Variants in SYNGR1 observed in about 807,000 individuals in gnomAD.
SYNGR1 encodes synaptogyrin-1.
Under a neutral mutation model 26.1 loss-of-function variants are expected in SYNGR1, and 14 were observed. The ratio of observed to expected loss-of-function variants is 0.54; its 90% CI spans 0.35 to 0.84. SYNGR1 has a LOEUF of 0.84. SYNGR1 is among the 40% of genes least tolerant of loss of function. SYNGR1 has a pLI of 0.01. For missense variants in SYNGR1, 319 were observed against 332.9 expected (o/e 0.96, Z 0.33); for synonymous variants, 141 against 150.1 (o/e 0.94, Z 0.44).
At chr22:39,368,403 G>GTCC (rs746111739) in intron 1 of SYNGR1, among the ~76,000 whole-genome samples, 1 of 152,210 alleles carries the variant, frequency 6.6e-6, no homozygotes, top group Non-Finnish European at 1.5e-5. Context: ...GGCTCCCACA[G>GTCC]CAGGGTCTCT....
At position 39,371,676 on chromosome 22, in the gene SYNGR1, C is replaced by T. The variant is rs144775488; in HGVS notation, c.100-2640C>T. Among the ~76,000 whole-genome samples the T allele has an allele frequency of 7.5e-3, 1,146 of 152,072 alleles. 22 individuals carry two copies. Among genetic ancestry groups the T allele is most frequent in the African/African-American group, 0.026 (1,084 of 41,482 alleles). ...GTATCGTGGCAAACGCCTATAGTCC[C>T]GGCTACTCAGGAGGCTGAGGCTGGT... On this transcript the variant is annotated intron_variant, in intron 1 of 3. Coordinates refer to ENST00000328933, the MANE Select transcript of SYNGR1 (RefSeq NM_004711.5).
At chr22:39,358,657 A>G (rs1924303488) in intron 1 of SYNGR1, among the ~76,000 whole-genome samples, 1 of 152,112 alleles carries the variant, frequency 6.6e-6, no homozygotes, top group African/African-American at 2.4e-5. Context: ...AGAAGGATGA[A>G]ACTCCGGACA....
chr22:39,374,608 G>A (rs554127367), intron 2 of SYNGR1, 55 bp downstream of exon 2: 1 of 1,575,614 alleles, frequency 6.3e-7, no homozygotes. Flanking sequence ...GGCTGTCCCG[G>A]CCATAGGAGG....
Position 39,382,721 on chromosome 22 carries a change from C to T in SYNGR1, c.*807C>T. 6.5e-6 allele frequency: 1 copy of T among 153,032 alleles called. No homozygotes were observed. 9.5% of individuals were successfully genotyped at this position (153,032 alleles called of 1,614,324 possible). A position where few individuals can be genotyped will look rare whatever the true frequency, so the allele number is the denominator to read the frequency against. ...TGTTCTGCCCCAGCTGTTCCTCCTC[C>T]CCTGGGGACAGCCCCACCTCCGGGT... On this transcript the variant is annotated 3_prime_UTR_variant, in exon 4 of 4. Coordinates refer to ENST00000328933, the MANE Select transcript of SYNGR1 (RefSeq NM_004711.5).
At chr22:39,360,674 AG>A (rs1924429991) in intron 1 of SYNGR1, among the ~76,000 whole-genome samples, 1 of 152,114 alleles carries the variant, frequency 6.6e-6, no homozygotes, top group Non-Finnish European at 1.5e-5. Context: ...GTCTGTAGGG[AG>A]GGCTGACAGT....
intron 1 of SYNGR1, chr22:39,364,278 G>C: frequency 6.2e-7 from 1 of 1,613,926 alleles, no homozygotes; most frequent in South Asian, 1.1e-5. Flanking sequence ...TGAGCTGGAG[G>C]AGCAGGCCCG....
intron 3 of SYNGR1, among the ~76,000 whole-genome samples, chr22:39,381,000 T>C (rs143603002): frequency 2.0e-5 from 3 of 152,092 alleles, no homozygotes; most frequent in Non-Finnish European, 2.9e-5. Context: ...ATAGTCAATA[T>C]GCCAGAGGTG....
Position 39,382,354 on chromosome 22 carries a change from T to G in SYNGR1, c.*440T>G. On this transcript the variant is annotated 3_prime_UTR_variant, in exon 4 of 4. Coordinates refer to ENST00000328933, the MANE Select transcript of SYNGR1 (RefSeq NM_004711.5). The stretch of plus-strand genomic sequence containing the variant: ...AATGCTGGGAAGTGTGGCTACACCG[T>G]GGCTTGGTCATAGGGTGAGTGTAAA... 3.6e-6 allele frequency: 1 copy of G among 278,400 alleles called. No homozygotes were observed. Among genetic ancestry groups the G allele is most frequent in the Non-Finnish European group, 7.1e-6 (1 of 140,302 alleles). 17.2% of individuals were successfully genotyped at this position (278,400 alleles called of 1,614,324 possible). A position where few individuals can be genotyped will look rare whatever the true frequency, so the allele number is the denominator to read the frequency against.
At chr22:39,377,662 C>T in intron 3 of SYNGR1, 1 of 1,613,972 alleles carries the variant, frequency 6.2e-7, no homozygotes, top group African/African-American at 1.3e-5. Flanking sequence ...GAGTACAGCA[C>T]ACTGTTCCCT....
chr22:39,359,333 C>A (rs1014036992), intron 1 of SYNGR1, among the ~76,000 whole-genome samples: 1 of 152,008 alleles, frequency 6.6e-6, no homozygotes, highest in Non-Finnish European at 1.5e-5. Flanking sequence ...TCAAAGATGC[C>A]CCCCCAGGCC....
At chr22:39,376,016 G>T (rs1286980880) in intron 2 of SYNGR1, 36 bp from the exon 3 acceptor site, 2 of 1,613,972 alleles carry the variant, frequency 1.2e-6, no homozygotes, top group Non-Finnish European at 8.5e-7. Context: ...CCCATGTGTG[G>T]CACTGCCTAT....
rs945055753 is a variant in SYNGR1, at chr22:39,350,573, G to C, written c.99+464G>C. 1.3e-5 allele frequency among the ~76,000 whole-genome samples: 2 copies of C among 152,140 alleles called. No homozygotes were observed. The highest frequency in any genetic ancestry group is 4.8e-5 in the African/African-American group (2 of 41,448). On this transcript the variant is annotated intron_variant, in intron 1 of 3. Transcript: ENST00000328933. The surrounding 1 kb of genome is among the most constrained non-coding windows in gnomAD (Gnocchi z 4.3). ...GCCTGCGATGGACGTTGGAGGAGGA[G>C]AGGGCCGGGAACCGGGTTCGTATTG...
At chr22:39,375,243 G>T (rs1925225961) in intron 2 of SYNGR1, 1 of 156,706 alleles carries the variant, frequency 6.4e-6, no homozygotes, top group African/African-American at 2.4e-5. Context: ...AGGTCATGAG[G>T]TCTAGTTTTA....
Position 39,350,208 on chromosome 22 carries a change from C to T in SYNGR1, c.99+99C>T, listed in dbSNP as rs539197009. 6.9e-4 allele frequency: 557 copies of T among 807,540 alleles called. 1 individual carries two copies. The highest frequency in any genetic ancestry group is 4.6e-3 in the Admixed American group (89 of 19,380). The allele number at this position is 807,540 out of a possible 1,614,324, so 50.0% of individuals were successfully genotyped here. ...CGACCCCGACCCCGACCCCAACGGG[C>T]CCCCGGCGGCGGCGCGGCGGCGGGC... On this transcript the variant is annotated intron_variant, in intron 1 of 3. Coordinates refer to ENST00000328933, the MANE Select transcript of SYNGR1 (RefSeq NM_004711.5). The surrounding 1 kb of genome is among the most constrained non-coding windows in gnomAD (Gnocchi z 4.3).
At chr22:39,364,259 G>A (rs1489675286) in intron 1 of SYNGR1, 2 of 1,614,058 alleles carry the variant, frequency 1.2e-6, no homozygotes, top group African/African-American at 2.7e-5. Flanking sequence ...TGGACACAGA[G>A]GTCGTGGGTG....
At chr22:39,359,196 C>T (rs960750952) in intron 1 of SYNGR1, among the ~76,000 whole-genome samples, 10 of 152,202 alleles carry the variant, frequency 6.6e-5, no homozygotes, top group African/African-American at 2.4e-4. Context: ...GTGTAGAGGT[C>T]GACAGGGTCC....
chr22:39,350,181 A>ACCGACC lies in SYNGR1; in HGVS notation c.99+87_99+92dup, dbSNP rs142884306. On this transcript the variant is annotated intron_variant, in intron 1 of 3. Transcript: ENST00000328933. The surrounding 1 kb of genome is among the most constrained non-coding windows in gnomAD (Gnocchi z 4.3). The stretch of plus-strand genomic sequence containing the variant: ...GTGTGAGCAAAGGCGGCGCGCCCGG[A>ACCGACC]CCGACCCCGACCCCGACCCCAACGG... 5.5e-5 allele frequency: 53 copies of ACCGACC among 955,782 alleles called. No homozygotes were observed. The highest frequency in any genetic ancestry group is 1.4e-4 in the East Asian group (3 of 21,984). The allele number at this position is 955,782 out of a possible 1,614,324, so 59.2% of individuals were successfully genotyped here.
At chr22:39,364,262 C>A (rs200429015) in intron 1 of SYNGR1, 11 of 1,614,030 alleles carry the variant, frequency 6.8e-6, no homozygotes, top group Middle Eastern at 3.3e-4. Context: ...ACACAGAGGT[C>A]GTGGGTGAGC....
chr22:39,381,800 C>A lies in SYNGR1; in HGVS notation c.588C>A (p.Tyr196Ter), dbSNP rs143119099. The change falls in exon 4 of 4, where the codon TAC (tyrosine) becomes TAA (stop). Residue 196 changes from tyrosine to a stop codon, truncating the protein, a stop_gained. Coordinates refer to ENST00000328933, the MANE Select transcript of SYNGR1 (RefSeq NM_004711.5). LOFTEE classifies it high-confidence loss of function. ...MDPSQDSSMP[Y>*]APYVEPTGPD... ...CCAGCCAGGACTCCAGCATGCCTTACGCGCCCTACGTGGAGCCCACTGGGC... is the reference window on the plus strand; with the variant it reads ...CCAGCCAGGACTCCAGCATGCCTTAAGCGCCCTACGTGGAGCCCACTGGGC... 6.4e-7 allele frequency: 1 copy of A among 1,560,634 alleles called. No individual in the cohort carries two copies.
Sources: gnomAD v4.1 joint callset for allele counts (sites outside exome capture counted in the v4.1 genomes callset) on GRCh38, gnomAD v4.1.1 for gene constraint, Gnocchi (gnomAD v3.1) non-coding constraint, MANE v1.5 for transcripts, NCBI Gene and HGNC (gene_info 2026-07-23, HGNC 2026-07-21) for gene names.